Variants in MYO3B observed in about 807,000 individuals in gnomAD.
MYO3B encodes the protein myosin IIIB.
Under a neutral mutation model 174.6 loss-of-function variants are expected in MYO3B, and 156 were observed. The observed-to-expected ratio is 0.89, with a 90% CI of 0.78 to 1.02. The LOEUF is 1.02. MYO3B is among the 50% of genes least tolerant of loss of function. The probability of loss-of-function intolerance (pLI) is 0.00; values close to 1 mark genes in which losing one functional copy is unlikely to be tolerated. For missense variants in MYO3B, 1,632 were observed against 1,639.4 expected, an observed-to-expected ratio of 1.00 and a Z score of 0.08; for synonymous variants, 563 against 569.1, an observed-to-expected ratio of 0.99 and a Z score of 0.15.
At chr2:170,361,637 G>A (rs1162593789) in intron 8 of MYO3B, among the ~76,000 whole-genome samples, 1 of 152,348 alleles carries the variant, frequency 6.6e-6, no homozygotes, top group East Asian at 1.9e-4. Flanking sequence ...TGCCTTCAGT[G>A]ACTTTTTCTT....
At chr2:170,573,227 G>GTGTGTATA (rs1446970724) in intron 32 of MYO3B, among the ~76,000 whole-genome samples, 11 of 46,480 alleles carry the variant, frequency 2.4e-4, no homozygotes, top group South Asian at 5.7e-4. Flanking sequence ...TATACTGTGT[G>GTGTGTATA]TATATATATA....
At chr2:170,445,580 A>G (rs1168340812) in intron 23 of MYO3B, among the ~76,000 whole-genome samples, 1 of 151,936 alleles carries the variant, frequency 6.6e-6, no homozygotes, top group Non-Finnish European at 1.5e-5. Flanking sequence ...ACCTCAGGTG[A>G]TCCGCCCACC....
intron 9 of MYO3B, among the ~76,000 whole-genome samples, chr2:170,381,493 A>G (rs575904988): frequency 3.7e-4 from 57 of 152,312 alleles, no homozygotes; most frequent in African/African-American, 1.3e-3. Context: ...GGATGGGACA[A>G]GGGTCACAAA....
At chr2:170,481,301 C>T (rs1685672632) in intron 25 of MYO3B, among the ~76,000 whole-genome samples, 1 of 152,196 alleles carries the variant, frequency 6.6e-6, no homozygotes, top group African/African-American at 2.4e-5. Context: ...ATCCTCAATA[C>T]CCTGGAAATT....
At chr2:170,455,202 A>G (rs773633967) in intron 23 of MYO3B, among the ~76,000 whole-genome samples, 7 of 152,208 alleles carry the variant, frequency 4.6e-5, no homozygotes, top group Non-Finnish European at 1.0e-4. Flanking sequence ...GTCCCCAGGA[A>G]GGAAGGGGGT....
chr2:170,226,994 T>G (rs2092959053), intron 6 of MYO3B, among the ~76,000 whole-genome samples: 1 of 152,214 alleles, frequency 6.6e-6, no homozygotes, highest in African/African-American at 2.4e-5. Context: ...CAGCTCTTCC[T>G]GAGCTCTGGG....
At chr2:170,598,828 G>A (rs1219811273) in intron 32 of MYO3B, among the ~76,000 whole-genome samples, 2 of 152,076 alleles carry the variant, frequency 1.3e-5, no homozygotes, top group East Asian at 1.9e-4. Context: ...GAGTTGTTAC[G>A]GGAATTAAAT....
chr2:170,648,002 A>G (rs1332480290), intron 32 of MYO3B: 2 of 152,190 alleles, frequency 1.3e-5, no homozygotes. Flanking sequence ...GGGAGAGTGG[A>G]TGTCAGACCT....
At chr2:170,388,915 C>G (rs1035248355) in intron 14 of MYO3B, among the ~76,000 whole-genome samples, 1 of 152,156 alleles carries the variant, frequency 6.6e-6, no homozygotes, top group African/African-American at 2.4e-5. Context: ...TTTACGCTTC[C>G]CTGTGGCTTT....
chr2:170,441,046 C>T (rs951259304), intron 22 of MYO3B, among the ~76,000 whole-genome samples: 3 of 151,966 alleles, frequency 2.0e-5, no homozygotes, highest in African/African-American at 4.8e-5. Flanking sequence ...GTGATCCACC[C>T]GCCTCGGCCT....
intron 23 of MYO3B, among the ~76,000 whole-genome samples, chr2:170,460,544 A>AGTAT (rs1340480112): frequency 7.3e-5 from 11 of 150,688 alleles, no homozygotes; most frequent in Non-Finnish European, 1.2e-4. Context: ...CACAGTACTA[A>AGTAT]GTATGTAGGT....
Position 170,515,033 on chromosome 2 carries a change from T to A in MYO3B, c.3472+11T>A. 6.2e-7 allele frequency: 1 copy of A among 1,611,314 alleles called. No individual in the cohort carries two copies. The highest frequency in any genetic ancestry group is 2.2e-5 in the East Asian group (1 of 44,834). On this transcript the variant is annotated intron_variant, in intron 29 of 34. Transcript: ENST00000408978. Reference sequence around the variant, plus strand: ...CTGGTGACCATAAAGGTAGAGTCTTTCGAGATTTAGAATGAGTGTTCTAAA... The same window carrying A: ...CTGGTGACCATAAAGGTAGAGTCTTACGAGATTTAGAATGAGTGTTCTAAA...
Position 170,407,822 on chromosome 2 carries a change from C to T in MYO3B, c.2628C>T (p.Phe876=). The part of the protein sequence containing the change: ...TSENKLLQQL[F]SIPLTKTGNL... ...AAAACAAGCTTCTTCAGCAGCTCTT[C>T]TCAATCCCTCTGACCAAAACAGGTA... is the stretch of plus-strand genomic sequence containing the variant. The change falls in exon 22 of 35, where the codon TTC becomes TTT. Residue 876 remains phenylalanine (F), a synonymous_variant. Coordinates refer to ENST00000408978, the MANE Select transcript of MYO3B (RefSeq NM_138995.5). 6.2e-7 allele frequency: 1 copy of T among 1,614,064 alleles called. No homozygotes were observed. The highest frequency in any genetic ancestry group is 8.5e-7 in the Non-Finnish European group (1 of 1,179,914).
At chr2:170,496,458 G>C (rs975260666) in intron 25 of MYO3B, among the ~76,000 whole-genome samples, 1 of 151,818 alleles carries the variant, frequency 6.6e-6, no homozygotes, top group Non-Finnish European at 1.5e-5. Flanking sequence ...AAGAAATTAA[G>C]TTTATTTCAA....
chr2:170,606,463 C>T (rs9287940), intron 32 of MYO3B, among the ~76,000 whole-genome samples: 3 of 152,176 alleles, frequency 2.0e-5, no homozygotes, highest in South Asian at 2.1e-4. Flanking sequence ...ACCACCATAT[C>T]CATGAGTTCC....
intron 9 of MYO3B, among the ~76,000 whole-genome samples, chr2:170,371,129 A>T (rs1298130693): frequency 6.7e-6 from 1 of 149,650 alleles, no homozygotes; most frequent in East Asian, 2.0e-4. Flanking sequence ...GAGGCAGGAG[A>T]ATTGCTTAAA....
At chr2:170,282,834 G>T (rs752836865) in intron 7 of MYO3B, among the ~76,000 whole-genome samples, 2 of 152,014 alleles carry the variant, frequency 1.3e-5, no homozygotes, top group Non-Finnish European at 2.9e-5. Flanking sequence ...GAGGGGTCAG[G>T]GTTGCTATCG....
intron 32 of MYO3B, among the ~76,000 whole-genome samples, chr2:170,650,149 C>T (rs1407348983): frequency 2.7e-5 from 4 of 149,096 alleles, no homozygotes; most frequent in African/African-American, 9.8e-5. Flanking sequence ...TCTCCTGCCT[C>T]AGCCTCTCAA....
Position 170,401,646 on chromosome 2 carries a change from TTG to T in MYO3B, c.2087_2088del (p.Val696GlufsTer4). 6.2e-7 allele frequency: 1 copy of T among 1,614,058 alleles called. No homozygotes were observed. The highest frequency in any genetic ancestry group is 1.7e-5 in the Admixed American group (1 of 60,028). The stretch of plus-strand genomic sequence containing the variant: ...CTGTATGGGAGGCTCTTCAGCTGGA[TTG>T]TGAATCGCATTAATACACTCCTGCA... On this transcript the variant is annotated frameshift_variant, in exon 18 of 35. Coordinates refer to ENST00000408978, the MANE Select transcript of MYO3B (RefSeq NM_138995.5). LOFTEE classifies it high-confidence loss of function.
Sources: gnomAD v4.1 joint callset for allele counts (sites outside exome capture counted in the v4.1 genomes callset) on GRCh38, gnomAD v4.1.1 for gene constraint, MANE v1.5 for transcripts, NCBI Gene and HGNC (gene_info 2026-07-23, HGNC 2026-07-21) for gene names.